The following ATAD2B variants were observed in gnomAD, a reference collection of about 807,000 sequenced individuals.
The protein encoded by ATAD2B is ATPase family AAA domain-containing protein 2B.
In ATAD2B, 40 loss-of-function variants were observed where a neutral mutation model predicts 167.6. That is an observed-to-expected ratio of 0.24 (90% confidence interval 0.19 to 0.31). ATAD2B has a LOEUF of 0.31. Among genes scored for constraint, ATAD2B ranks in the 10% least tolerant of loss-of-function variants. The pLI, the probability that ATAD2B is intolerant of heterozygous loss-of-function variation, is 1.00. For missense variants in ATAD2B, 1,242 were observed against 1,757.2 expected (o/e 0.71, Z 5.24); for synonymous variants, 579 against 596.5 (o/e 0.97, Z 0.43).
At chr2:23,726,292 CTT>C in the ATAD2B span, among the ~76,000 whole-genome samples, 1 of 152,144 alleles carries the variant, frequency 6.6e-6, no homozygotes, top group Non-Finnish European at 1.5e-5. Context: ...CTATGTGTAA[CTT>C]TTGACTCCCC....
chr2:23,726,809 T>C, the ATAD2B span, among the ~76,000 whole-genome samples: 5 of 152,194 alleles, frequency 3.3e-5, no homozygotes, highest in African/African-American at 1.2e-4. Flanking sequence ...TGGGGAGTTT[T>C]TGTGTAATGA....
At chr2:23,923,458 A>C (rs1232318272) in intron 1 of ATAD2B, among the ~76,000 whole-genome samples, 1 of 152,182 alleles carries the variant, frequency 6.6e-6, no homozygotes, top group Non-Finnish European at 1.5e-5. Context: ...AAAATTTTCT[A>C]AGAGGGTAGA....
the ATAD2B span, among the ~76,000 whole-genome samples, chr2:23,682,966 C>G: frequency 6.6e-6 from 1 of 152,194 alleles, no homozygotes; most frequent in African/African-American, 2.4e-5. This position sits in a 1 kb window ranked among gnomAD's most constrained non-coding sequence, Gnocchi z 4.1. Flanking sequence ...TCTCCAGGAG[C>G]CCCTCCCACC....
chr2:23,742,410 T>A, the ATAD2B span, among the ~76,000 whole-genome samples: 2 of 152,018 alleles, frequency 1.3e-5, no homozygotes, highest in South Asian at 4.2e-4. Flanking sequence ...TGTAGGGACA[T>A]GGATGAAACT....
chr2:23,791,192 C>T (rs565121099), intron 19 of ATAD2B, among the ~76,000 whole-genome samples: 1 of 152,324 alleles, frequency 6.6e-6, no homozygotes, highest in South Asian at 2.1e-4. Context: ...AATTAAGGAA[C>T]ATTTGGATTG....
In ATAD2B at chr2:23,757,687, C is replaced by A. The variant is rs761812706; in HGVS notation, c.3809G>T (p.Gly1270Val). The change falls in exon 25 of 28, where the codon GGT (glycine) becomes GTT (valine). Residue 1270 changes from glycine to valine, a missense_variant. Physicochemically the swap from Gly to Val is moderately radical, Grantham distance 109 (BLOSUM62 -3). Around this residue, in one of 9 missense-constraint regions of ATAD2B, gnomAD observed 282 missense variants for 346.8 expected, o/e 0.81. Transcript: ENST00000238789. ...TTCAAAACTGTCAGTGGAAGCCTCA[C>A]CATTTAGACAATTTCCTTTAAGGAA... The part of the protein sequence containing the change: ...ETFLKGNCLN[G>V]EASTDSFEGI... 6.2e-7 allele frequency: 1 copy of A among 1,612,770 alleles called. No individual in the cohort carries two copies. Among genetic ancestry groups the A allele is most frequent in the South Asian group, 1.1e-5 (1 of 90,716 alleles).
At chr2:23,784,038 A>G (rs2551338) in intron 21 of ATAD2B, among the ~76,000 whole-genome samples, 112,018 of 151,928 alleles carry the variant, frequency 0.74, 41,638 homozygotes, top group East Asian at 0.85. Flanking sequence ...CCTTTTAGGA[A>G]CTGAAAAACC....
chr2:23,850,674 A>G (rs576228617), intron 13 of ATAD2B, among the ~76,000 whole-genome samples: 102 of 152,136 alleles, frequency 6.7e-4, no homozygotes, highest in Non-Finnish European at 1.3e-3. Context: ...GCAGAAGAGA[A>G]GGGGGGATGA....
At chr2:23,836,996 G>A (rs963227495) in intron 13 of ATAD2B, among the ~76,000 whole-genome samples, 1 of 152,096 alleles carries the variant, frequency 6.6e-6, no homozygotes, top group African/African-American at 2.4e-5. Context: ...GTCTCACCAC[G>A]GACCCACCCC....
chr2:23,792,979 A>AAC (rs1250985319), intron 19 of ATAD2B, among the ~76,000 whole-genome samples: 1 of 150,602 alleles, frequency 6.6e-6, no homozygotes, highest in Non-Finnish European at 1.5e-5. Context: ...AAAAAAAAAA[A>AAC]AAAAAAAAAA....
intron 17 of ATAD2B, among the ~76,000 whole-genome samples, chr2:23,816,045 T>C (rs1490963072): frequency 2.6e-5 from 4 of 152,130 alleles, no homozygotes; most frequent in African/African-American, 9.7e-5. Context: ...TACAAAACAT[T>C]TGAATGAGTG....
intron 25 of ATAD2B, among the ~76,000 whole-genome samples, chr2:23,757,013 ACTG>A (rs1284259434): frequency 6.6e-6 from 1 of 152,134 alleles, no homozygotes; most frequent in African/African-American, 2.4e-5. Context: ...AATATATCAT[ACTG>A]CTATTATCAC....
intron 8 of ATAD2B, chr2:23,872,386 A>G: frequency 2.9e-6 from 2 of 684,156 alleles, no homozygotes; most frequent in Non-Finnish European, 5.5e-6. Flanking sequence ...CGGCAGGTTC[A>G]GCTCCATGAC....
chr2:23,844,025 A>T (rs1691351645), intron 13 of ATAD2B, among the ~76,000 whole-genome samples: 1 of 152,100 alleles, frequency 6.6e-6, no homozygotes, highest in Non-Finnish European at 1.5e-5. Flanking sequence ...CGCAACCTCC[A>T]CTTCCCAGGT....
chr2:23,698,593 G>A, the ATAD2B span, among the ~76,000 whole-genome samples: 2 of 152,120 alleles, frequency 1.3e-5, no homozygotes, highest in African/African-American at 2.4e-5. Flanking sequence ...TGGTATTACA[G>A]GAATAGAGCA....
At chr2:23,899,772 C>G (rs112310010) in intron 1 of ATAD2B, among the ~76,000 whole-genome samples, 28,399 of 145,878 alleles carry the variant, frequency 0.19, 2,767 homozygotes, top group Middle Eastern at 0.3. Flanking sequence ...TGTATTTTTA[C>G]TAGAGACCGG....
intron 1 of ATAD2B, among the ~76,000 whole-genome samples, chr2:23,897,686 G>A (rs1175622276): frequency 2.0e-5 from 3 of 152,134 alleles, no homozygotes; most frequent in Non-Finnish European, 4.4e-5. Context: ...CCCCTTCAAA[G>A]CAATTCCTGT....
chr2:23,870,078 G>A (rs1482624296), intron 8 of ATAD2B, among the ~76,000 whole-genome samples: 5 of 151,262 alleles, frequency 3.3e-5, no homozygotes, highest in African/African-American at 1.2e-4. Flanking sequence ...CACGGGGTGG[G>A]CACCTGTAGT....
At chr2:23,715,320 A>T in the ATAD2B span, among the ~76,000 whole-genome samples, 1 of 152,184 alleles carries the variant, frequency 6.6e-6, no homozygotes, top group Non-Finnish European at 1.5e-5. Flanking sequence ...CACGCCTGTA[A>T]TCCCAGCACT....
Sources: gnomAD v4.1 joint callset for allele counts (sites outside exome capture counted in the v4.1 genomes callset) on GRCh38, gnomAD v4.1.1 for gene constraint, gnomAD v4.1.1 regional missense constraint, Gnocchi (gnomAD v3.1) non-coding constraint, MANE v1.5 for transcripts, NCBI Gene and HGNC (gene_info 2026-07-23, HGNC 2026-07-21) for gene names.